The following WWOX variants were observed in gnomAD, a reference collection of about 807,000 sequenced individuals.
WWOX encodes the protein WW domain-containing oxidoreductase.
Under a neutral mutation model 46.2 loss-of-function variants are expected in WWOX, and 69 were observed. That is an observed-to-expected ratio of 1.49 (90% CI 1.23 to 1.82). WWOX has a LOEUF of 1.82. Ranked by LOEUF, WWOX falls within the 40% of genes most tolerant of loss-of-function variation. The probability of loss-of-function intolerance (pLI) is 0.00; values close to 1 mark genes in which losing one functional copy is unlikely to be tolerated. For synonymous variants in WWOX, 359 were observed against 202.6 expected, an observed-to-expected ratio of 1.77 and a Z score of -6.56; for missense variants, 919 against 542.6, an observed-to-expected ratio of 1.69 and a Z score of -6.89.
chr16:78,489,169 T>A (rs182546983), intron 8 of WWOX, among the ~76,000 whole-genome samples: 11 of 152,360 alleles, frequency 7.2e-5, no homozygotes, highest in African/African-American at 2.6e-4. Context: ...TTAATCTCCC[T>A]CAGCCTCAGT....
chr16:79,212,273 G>A lies in WWOX; in HGVS notation c.*477G>A, dbSNP rs934045654. On this transcript the variant is annotated 3_prime_UTR_variant, in exon 9 of 9. Transcript: ENST00000566780. The stretch of plus-strand genomic sequence containing the variant: ...AGGAGATAATTGTTTCATTCATCCT[G>A]ACCAAGACTGAGCCAGCTTAGCAAC... The A allele has an allele frequency of 7.3e-6, 9 of 1,225,348 alleles. No homozygotes were observed. Among genetic ancestry groups the A allele is most frequent in the Admixed American group, 2.9e-5 (1 of 34,664 alleles). The allele number at this position is 1,225,348 out of a possible 1,614,324, so 75.9% of individuals were successfully genotyped here.
At chr16:78,220,482 C>T (rs1054344959) in intron 5 of WWOX, among the ~76,000 whole-genome samples, 2 of 152,002 alleles carry the variant, frequency 1.3e-5, no homozygotes, top group Admixed American at 6.5e-5. Flanking sequence ...TTTAATTTCT[C>T]GACAGTCTCC....
chr16:79,031,617 A>G (rs958467699), intron 8 of WWOX, among the ~76,000 whole-genome samples: 2 of 151,666 alleles, frequency 1.3e-5, no homozygotes, highest in Admixed American at 1.3e-4. Context: ...GTCTTTATTT[A>G]TTTTTAAAAT....
intron 8 of WWOX, among the ~76,000 whole-genome samples, chr16:79,067,304 C>T (rs1253306149): frequency 6.6e-6 from 1 of 152,186 alleles, no homozygotes. Context: ...TTGCAAGGTC[C>T]TGCATGACTT....
chr16:78,948,142 C>A (rs748646107), intron 8 of WWOX, among the ~76,000 whole-genome samples: 1 of 152,168 alleles, frequency 6.6e-6, no homozygotes, highest in Non-Finnish European at 1.5e-5. Flanking sequence ...CCTTAAGTTG[C>A]TCAGAATGAG....
intron 5 of WWOX, among the ~76,000 whole-genome samples, chr16:78,203,771 C>T (rs1017296212): frequency 1.3e-5 from 2 of 152,242 alleles, no homozygotes. Context: ...TGGGCAAGCG[C>T]GTGCTAGTTA....
intron 8 of WWOX, among the ~76,000 whole-genome samples, chr16:78,835,439 T>C (rs1459655116): frequency 6.6e-6 from 1 of 152,196 alleles, no homozygotes; most frequent in African/African-American, 2.4e-5. Flanking sequence ...CCTTCAATGT[T>C]ACAAGCGCCC....
Position 79,154,113 on chromosome 16 carries a change from A to T in WWOX, c.1057-57495A>T, listed in dbSNP as rs561341336. Among the ~76,000 whole-genome samples the T allele has an allele frequency of 1.5e-4, 23 of 152,348 alleles. No homozygotes were observed. The Middle Eastern group carries it at 0.017, about 113-fold the overall frequency. ...GCATCATGGATAGTCTTTTAAAAAC[A>T]AGTTCTCATCTATTCAATGTCAGAG... On this transcript the variant is annotated intron_variant, in intron 8 of 8. Transcript: ENST00000566780.
chr16:78,513,036 G>C (rs1323761535), intron 8 of WWOX, among the ~76,000 whole-genome samples: 1 of 152,134 alleles, frequency 6.6e-6, no homozygotes, highest in East Asian at 1.9e-4. Flanking sequence ...CAATTTTTAT[G>C]GCCCGAGATT....
intron 8 of WWOX, among the ~76,000 whole-genome samples, chr16:78,677,152 C>G (rs2047620848): frequency 6.6e-6 from 1 of 151,946 alleles, no homozygotes; most frequent in Non-Finnish European, 1.5e-5. Context: ...TTACAGACCC[C>G]AAAGCTTGCT....
At chr16:78,404,933 T>C (rs1003167366) in intron 6 of WWOX, among the ~76,000 whole-genome samples, 3 of 152,202 alleles carry the variant, frequency 2.0e-5, no homozygotes, top group African/African-American at 7.2e-5. Context: ...ATCATGCCCA[T>C]TGCACTAAGT....
At chr16:78,854,003 G>T (rs1413089317) in intron 8 of WWOX, among the ~76,000 whole-genome samples, 1 of 152,130 alleles carries the variant, frequency 6.6e-6, no homozygotes, top group African/African-American at 2.4e-5. Context: ...CAGAGGAAAT[G>T]AAAAATAAAA....
intron 5 of WWOX, chr16:78,355,564 C>G: frequency 2.2e-6 from 1 of 462,012 alleles, no homozygotes; most frequent in Non-Finnish European, 4.3e-6. Flanking sequence ...AAACTACCAA[C>G]ACTGTGGAGG....
At chr16:78,448,158 C>A (rs1254686088) in intron 8 of WWOX, among the ~76,000 whole-genome samples, 1 of 152,118 alleles carries the variant, frequency 6.6e-6, no homozygotes, top group Non-Finnish European at 1.5e-5. Context: ...TCATTACTTG[C>A]CCCCAATCCA....
intron 8 of WWOX, among the ~76,000 whole-genome samples, chr16:78,631,946 G>A (rs1253515394): frequency 6.7e-6 from 1 of 149,430 alleles, no homozygotes; most frequent in Non-Finnish European, 1.5e-5. Context: ...GACAGTGATT[G>A]GAGGTGGTTT....
At chr16:79,114,577 T>C (rs1239080558) in intron 8 of WWOX, among the ~76,000 whole-genome samples, 1 of 151,970 alleles carries the variant, frequency 6.6e-6, no homozygotes, top group African/African-American at 2.4e-5. Context: ...TGTTCTGCCC[T>C]AGAGCCTTCG....
At chr16:79,180,118 A>T (rs1280871779) in intron 8 of WWOX, among the ~76,000 whole-genome samples, 1 of 152,138 alleles carries the variant, frequency 6.6e-6, no homozygotes, top group Non-Finnish European at 1.5e-5. Flanking sequence ...TTGCTATGTT[A>T]GAAGAGACTC....
intron 8 of WWOX, among the ~76,000 whole-genome samples, chr16:79,012,277 G>T (rs948248778): frequency 3.9e-5 from 6 of 151,984 alleles, no homozygotes; most frequent in Non-Finnish European, 5.9e-5. Flanking sequence ...CTGTCACCTA[G>T]GCTAGAGTGC....
chr16:78,265,198 A>T (rs2151840910), intron 5 of WWOX, among the ~76,000 whole-genome samples: 1 of 151,806 alleles, frequency 6.6e-6, no homozygotes, highest in Admixed American at 6.5e-5. Flanking sequence ...ACGGGGTTTC[A>T]TCATGTAGGC....
Sources: allele counts gnomAD v4.1 joint callset (sites outside exome capture counted in the v4.1 genomes callset), GRCh38; gene constraint gnomAD v4.1.1; transcripts MANE v1.5; gene names NCBI Gene and HGNC (gene_info 2026-07-23, HGNC 2026-07-21).